GHR: variants seen among roughly 807,000 people sequenced by gnomAD.
GHR encodes growth hormone receptor.
GHR carries 35 observed loss-of-function variants against 67.1 expected under a neutral mutation model. The ratio of observed to expected loss-of-function variants is 0.52; its 90% confidence interval spans 0.40 to 0.69. GHR has a LOEUF of 0.69. Among genes scored for constraint, GHR ranks in the 30% least tolerant of loss-of-function variants. The probability of loss-of-function intolerance (pLI) is 0.00; values close to 1 mark genes in which losing one functional copy is unlikely to be tolerated. For synonymous variants in GHR, 272 were observed against 269.1 expected, an observed-to-expected ratio of 1.01 and a Z score of -0.10; for missense variants, 792 against 764.6, an observed-to-expected ratio of 1.04 and a Z score of -0.42.
chr5:42,595,515 A>T (rs1041376749), intron 2 of GHR, among the ~76,000 whole-genome samples: 5 of 152,164 alleles, frequency 3.3e-5, no homozygotes, highest in African/African-American at 4.8e-5. Context: ...GCATTATCTT[A>T]TTTCTCAGGT....
intron 1 of GHR, among the ~76,000 whole-genome samples, chr5:42,430,328 T>C (rs552420218): frequency 6.6e-6 from 1 of 152,268 alleles, no homozygotes; most frequent in Admixed American, 6.5e-5. Context: ...GCTAAGAATC[T>C]GCCACAGCAT....
chr5:42,678,016 T>C (rs1011380528), intron 3 of GHR, among the ~76,000 whole-genome samples: 25 of 152,342 alleles, frequency 1.6e-4, no homozygotes, highest in African/African-American at 6.0e-4. Context: ...ATAATAACAA[T>C]GAGCATTTAT....
chr5:42,719,569 T>C lies in GHR; in HGVS notation c.*145T>C. ...TTCTAAAATGCCTTTTCCCAAAATG[T>C]TGAAATATGATGTTAAAAAAATAAG... On this transcript the variant is annotated 3_prime_UTR_variant, in exon 10 of 10. Coordinates refer to ENST00000230882, the MANE Select transcript of GHR (RefSeq NM_000163.5). The C allele has an allele frequency of 2.6e-6, 2 of 759,116 alleles. No individual in the cohort carries two copies. The highest frequency in any genetic ancestry group is 1.4e-5 in the South Asian group (1 of 70,244). 47.0% of individuals were successfully genotyped at this position (759,116 alleles called of 1,614,324 possible). A position where few individuals can be genotyped will look rare whatever the true frequency, so the allele number is the denominator to read the frequency against.
chr5:42,555,398 A>G (rs547184944), intron 1 of GHR, among the ~76,000 whole-genome samples: 9 of 152,196 alleles, frequency 5.9e-5, no homozygotes, highest in African/African-American at 2.2e-4. Context: ...TTCACATCCA[A>G]ATATTACTCT....
chr5:42,507,962 TGGA>T (rs1561084085), intron 1 of GHR, among the ~76,000 whole-genome samples: 2 of 152,160 alleles, frequency 1.3e-5, no homozygotes. Flanking sequence ...GAGGAAGACC[TGGA>T]ATGGATATGC....
rs1018254507 is a variant in GHR, at chr5:42,713,584, A to G, written c.875+65A>G. The G allele has an allele frequency of 7.5e-6, 6 of 795,416 alleles. No individual in the cohort carries two copies. The Admixed American group carries it at 8.7e-5, about 11-fold the overall frequency. The allele number at this position is 795,416 out of a possible 1,614,324, so 49.3% of individuals were successfully genotyped here. A position where few individuals can be genotyped will look rare whatever the true frequency, so the allele number is the denominator to read the frequency against. On this transcript the variant is annotated intron_variant, in intron 8 of 9. Coordinates refer to ENST00000230882, the MANE Select transcript of GHR (RefSeq NM_000163.5). ...TGTTTAGATTTCCATATGTGTTTCT[A>G]TTTGTTATTTGATATTTTCTTTGTC...
At chr5:42,436,501 T>C (rs779724789) in intron 1 of GHR, among the ~76,000 whole-genome samples, 1 of 152,194 alleles carries the variant, frequency 6.6e-6, no homozygotes, top group Non-Finnish European at 1.5e-5. Flanking sequence ...CTGTAAAACA[T>C]GTTGTTTTTT....
intron 3 of GHR, among the ~76,000 whole-genome samples, chr5:42,671,757 C>A (rs577667843): frequency 3.4e-4 from 51 of 151,566 alleles, no homozygotes; most frequent in African/African-American, 1.2e-3. Context: ...GAGATCGAGA[C>A]CATCCCGGCT....
intron 4 of GHR, among the ~76,000 whole-genome samples, chr5:42,693,615 C>T (rs777821362): frequency 6.6e-6 from 1 of 152,164 alleles, no homozygotes. Context: ...TGAGAAACAG[C>T]TATAAGAAGG....
intron 3 of GHR, among the ~76,000 whole-genome samples, chr5:42,667,788 C>T (rs558592036): frequency 6.6e-6 from 1 of 152,276 alleles, no homozygotes; most frequent in Admixed American, 6.5e-5. Flanking sequence ...ACAGATGTTT[C>T]TCTTGTGGTA....
At chr5:42,662,719 T>C (rs1478165588) in intron 3 of GHR, among the ~76,000 whole-genome samples, 1 of 151,892 alleles carries the variant, frequency 6.6e-6, no homozygotes, top group African/African-American at 2.4e-5. Context: ...AGCAAACACA[T>C]TCAAAAGCTA....
chr5:42,607,770 G>T (rs1303252063), intron 2 of GHR, among the ~76,000 whole-genome samples: 1 of 152,174 alleles, frequency 6.6e-6, no homozygotes, highest in African/African-American at 2.4e-5. Flanking sequence ...AGTAATGACA[G>T]ATAGAGGCAC....
chr5:42,482,539 G>A (rs1002626131), intron 1 of GHR, among the ~76,000 whole-genome samples: 5 of 152,226 alleles, frequency 3.3e-5, no homozygotes, highest in African/African-American at 1.2e-4. Flanking sequence ...CCCAGTTCGA[G>A]CTTCCTGGCC....
intron 3 of GHR, among the ~76,000 whole-genome samples, chr5:42,687,837 A>G (rs1757234252): frequency 6.6e-6 from 1 of 152,230 alleles, no homozygotes; most frequent in Non-Finnish European, 1.5e-5. Flanking sequence ...TAATCATATA[A>G]GGAGAAAAAA....
chr5:42,445,329 T>C (rs1011960442), intron 1 of GHR, among the ~76,000 whole-genome samples: 6 of 152,254 alleles, frequency 3.9e-5, no homozygotes, highest in Admixed American at 6.5e-5. Flanking sequence ...AACTATGATA[T>C]ATTTTGAAGT....
At chr5:42,534,708 T>C (rs1460013653) in intron 1 of GHR, among the ~76,000 whole-genome samples, 2 of 152,112 alleles carry the variant, frequency 1.3e-5, no homozygotes, top group Non-Finnish European at 2.9e-5. Context: ...ATCGTAGTTC[T>C]ACTTTTAGTT....
chr5:42,653,851 C>G (rs1755125144), intron 3 of GHR, among the ~76,000 whole-genome samples: 1 of 152,134 alleles, frequency 6.6e-6, no homozygotes, highest in Non-Finnish European at 1.5e-5. Flanking sequence ...ACTCTGTGTT[C>G]TAGTCCAAAT....
chr5:42,566,056 G>A (rs111623983), intron 2 of GHR, 112 bp downstream of exon 2: 1 of 1,252,416 alleles, frequency 8.0e-7, no homozygotes. Flanking sequence ...GTTTTACATA[G>A]CAGCAAAAAG....
intron 3 of GHR, among the ~76,000 whole-genome samples, chr5:42,664,912 A>T (rs1338776921): frequency 6.6e-6 from 1 of 152,152 alleles, no homozygotes; most frequent in African/African-American, 2.4e-5. Flanking sequence ...AAAACAAACA[A>T]CACCATCAAA....
Sources: allele counts gnomAD v4.1 joint callset (sites outside exome capture counted in the v4.1 genomes callset), GRCh38; gene constraint gnomAD v4.1.1; transcripts MANE v1.5; gene names NCBI Gene and HGNC (gene_info 2026-07-23, HGNC 2026-07-21).